The following TBC1D22A variants were observed in gnomAD, a reference collection of about 807,000 sequenced individuals.
TBC1D22A encodes the protein putative GTPase activator.
In TBC1D22A, 38 loss-of-function variants were observed where a neutral mutation model predicts 60.2. That is an observed-to-expected ratio of 0.63 (90% CI 0.49 to 0.83). The LOEUF is 0.83. Ranked by LOEUF, TBC1D22A falls within the 40% of genes least tolerant of loss-of-function variation. TBC1D22A has a pLI of 0.00. For synonymous variants in TBC1D22A, 302 were observed against 281.7 expected, an observed-to-expected ratio of 1.07 and a Z score of -0.72; for missense variants, 628 against 701.0, an observed-to-expected ratio of 0.90 and a Z score of 1.18.
At chr22:47,089,131 T>G (rs191469888) in intron 11 of TBC1D22A, among the ~76,000 whole-genome samples, 123 of 152,266 alleles carry the variant, frequency 8.1e-4, no homozygotes, top group Middle Eastern at 6.8e-3. Context: ...TCAGATGCAT[T>G]GTGTATGTGT....
At chr22:47,020,899 C>G (rs55802483) in intron 10 of TBC1D22A, among the ~76,000 whole-genome samples, 35,693 of 151,580 alleles carry the variant, frequency 0.24, 4,506 homozygotes, top group East Asian at 0.29. Flanking sequence ...TCCCCCTTAG[C>G]AAGCAGGAGC....
chr22:46,865,969 G>A (rs1361674033), intron 4 of TBC1D22A, among the ~76,000 whole-genome samples: 1 of 152,148 alleles, frequency 6.6e-6, no homozygotes, highest in African/African-American at 2.4e-5. Flanking sequence ...TGTGGTGTTG[G>A]AATGACCACC....
At chr22:47,162,406 G>A (rs2068020524) in intron 12 of TBC1D22A, among the ~76,000 whole-genome samples, 1 of 152,082 alleles carries the variant, frequency 6.6e-6, no homozygotes, top group Non-Finnish European at 1.5e-5. Flanking sequence ...AGTTGCCATG[G>A]CGTGTGGTGT....
At chr22:47,037,943 G>A (rs1448014078) in intron 11 of TBC1D22A, among the ~76,000 whole-genome samples, 1 of 152,240 alleles carries the variant, frequency 6.6e-6, no homozygotes, top group African/African-American at 2.4e-5. Flanking sequence ...CAGATTCAGT[G>A]TGTATGAAAT....
At chr22:47,055,729 C>T (rs131925) in intron 11 of TBC1D22A, among the ~76,000 whole-genome samples, 37,508 of 151,888 alleles carry the variant, frequency 0.25, 5,479 homozygotes, top group East Asian at 0.57. Flanking sequence ...GTTCTGGCCC[C>T]TTGGGGCCAG....
chr22:46,973,477 A>C (rs551124370), intron 8 of TBC1D22A, among the ~76,000 whole-genome samples: 12 of 152,366 alleles, frequency 7.9e-5, no homozygotes, highest in Non-Finnish European at 1.8e-4. Context: ...TATCTGCTTC[A>C]ACCTTTCTAC....
At chr22:46,989,436 A>G (rs1191547449) in intron 9 of TBC1D22A, among the ~76,000 whole-genome samples, 1 of 152,108 alleles carries the variant, frequency 6.6e-6, no homozygotes, top group African/African-American at 2.4e-5. Context: ...TTTGATTTAA[A>G]GTGAGAGAAT....
chr22:46,986,111 C>T (rs1376073253), intron 9 of TBC1D22A, among the ~76,000 whole-genome samples: 1 of 152,218 alleles, frequency 6.6e-6, no homozygotes, highest in East Asian at 1.9e-4. Flanking sequence ...TGTCAGGCTT[C>T]ATTTTTTCCT....
chr22:46,934,787 T>TAA (rs148836688), intron 8 of TBC1D22A, among the ~76,000 whole-genome samples: 12,029 of 152,186 alleles, frequency 0.079, 843 homozygotes, highest in African/African-American at 0.19. Flanking sequence ...GTGTTGGTGT[T>TAA]ACGCTGCTGG....
intron 8 of TBC1D22A, among the ~76,000 whole-genome samples, chr22:46,937,857 A>C (rs2071749237): frequency 6.6e-6 from 1 of 152,192 alleles, no homozygotes; most frequent in Non-Finnish European, 1.5e-5. Flanking sequence ...AGTAAAAAAA[A>C]AAATTAAAGA....
At position 46,793,821 on chromosome 22, in the gene TBC1D22A, G is replaced by A. The variant is rs765718678; in HGVS notation, c.440G>A (p.Ser147Asn). 7.6e-6 allele frequency: 12 copies of A among 1,589,210 alleles called. No individual in the cohort carries two copies. In the East Asian group the frequency reaches 1.1e-4, roughly 15 times the overall value. The change falls in exon 3 of 13, where the codon AGC becomes AAC. Residue 147 changes from serine to asparagine, a missense_variant. By Grantham distance (46) the Ser-to-Asn change is conservative. Coordinates refer to ENST00000337137, the MANE Select transcript of TBC1D22A (RefSeq NM_014346.5). ...CGGCTGGTGAAGTCGGTCAGTGAGAGCCACACGTCCTGTCCTGCAGGTACG... is the reference window on the plus strand; with the variant it reads ...CGGCTGGTGAAGTCGGTCAGTGAGAACCACACGTCCTGTCCTGCAGGTACG... ...DLRLVKSVSE[S>N]HTSCPAESAS...
At chr22:46,854,394 G>C (rs952920364) in intron 4 of TBC1D22A, among the ~76,000 whole-genome samples, 5 of 151,992 alleles carry the variant, frequency 3.3e-5, no homozygotes, top group Admixed American at 2.6e-4. Flanking sequence ...CCCGTTCCCT[G>C]CTCCTCCTCC....
At chr22:47,046,900 C>T (rs1421910995) in intron 11 of TBC1D22A, among the ~76,000 whole-genome samples, 1 of 152,196 alleles carries the variant, frequency 6.6e-6, no homozygotes, top group Non-Finnish European at 1.5e-5. Flanking sequence ...AGCTTGTTCC[C>T]CAGGAGTGTA....
At chr22:47,164,047 T>G (rs2147214141) in intron 12 of TBC1D22A, among the ~76,000 whole-genome samples, 1 of 152,334 alleles carries the variant, frequency 6.6e-6, no homozygotes, top group Middle Eastern at 3.4e-3. Flanking sequence ...GTAACAGAGC[T>G]GAGCCCTGTG....
At chr22:47,064,924 A>G (rs532926387) in intron 11 of TBC1D22A, among the ~76,000 whole-genome samples, 7 of 152,368 alleles carry the variant, frequency 4.6e-5, no homozygotes, top group African/African-American at 1.7e-4. Flanking sequence ...GTCATTATAA[A>G]GAGGCAGTTT....
Position 47,174,249 on chromosome 22 carries a change from T to G in TBC1D22A, c.*623T>G, listed in dbSNP as rs1300156828. ...GAGTCCAAGCCGTGAGCCCGCCGAG[T>G]GCCTGGGAGGCCGTGGGACCAAAGG... On this transcript the variant is annotated 3_prime_UTR_variant, in exon 13 of 13. Coordinates refer to ENST00000337137, the MANE Select transcript of TBC1D22A (RefSeq NM_014346.5). 1 of 152,554 alleles carries G rather than the reference T, an allele frequency of 6.6e-6. No individual in the cohort carries two copies. The highest frequency in any genetic ancestry group is 1.5e-5 in the Non-Finnish European group (1 of 68,252). 9.5% of individuals were successfully genotyped at this position (152,554 alleles called of 1,614,324 possible).
At chr22:46,763,399 T>TG (rs2083175637) in intron 1 of TBC1D22A, 3 of 35,644 alleles carry the variant, frequency 8.4e-5, no homozygotes, top group South Asian at 1.3e-3. Context: ...AGGAAGTTTT[T>TG]TTTTTTTTTT....
At chr22:46,800,806 T>TGGTC (rs1239949990) in intron 4 of TBC1D22A, among the ~76,000 whole-genome samples, 1 of 152,244 alleles carries the variant, frequency 6.6e-6, no homozygotes, top group African/African-American at 2.4e-5. Context: ...TTGACGTATA[T>TGGTC]GGTCACTTTT....
chr22:47,075,415 G>T (rs112588306), intron 11 of TBC1D22A, among the ~76,000 whole-genome samples: 2 of 152,112 alleles, frequency 1.3e-5, no homozygotes, highest in Non-Finnish European at 2.9e-5. Flanking sequence ...AGGTGAGGGG[G>T]CCCATGCCTG....
Sources: gnomAD v4.1 joint callset for allele counts (sites outside exome capture counted in the v4.1 genomes callset) on GRCh38, gnomAD v4.1.1 for gene constraint, MANE v1.5 for transcripts, NCBI Gene and HGNC (gene_info 2026-07-23, HGNC 2026-07-21) for gene names.